Variants in NHEJ1 observed in about 807,000 individuals in gnomAD.
NHEJ1 encodes the protein non-homologous end joining factor 1.
NHEJ1 carries 22 observed loss-of-function variants against 39.4 expected under a neutral mutation model. The observed-to-expected ratio is 0.56, with a 90% CI of 0.40 to 0.80. The LOEUF is 0.80. Among genes scored for constraint, NHEJ1 ranks in the 30% least tolerant of loss-of-function variants. The probability of loss-of-function intolerance (pLI) is 0.00; values close to 1 mark genes in which losing one functional copy is unlikely to be tolerated. For synonymous variants in NHEJ1, 154 were observed against 135.6 expected, an observed-to-expected ratio of 1.14 and a Z score of -0.94; for missense variants, 329 against 357.1, an observed-to-expected ratio of 0.92 and a Z score of 0.63.
At chr2:219,097,406 G>C (rs547025430) in intron 5 of NHEJ1, among the ~76,000 whole-genome samples, 3 of 152,316 alleles carry the variant, frequency 2.0e-5, no homozygotes, top group Admixed American at 1.3e-4. Flanking sequence ...TCTCTTGATG[G>C]ATTGGATGTG....
At chr2:219,160,598 C>G (rs959919377) in intron 1 of NHEJ1, 122 bp downstream of exon 1, 2 of 152,148 alleles carry the variant, frequency 1.3e-5, no homozygotes, top group Non-Finnish European at 2.9e-5. Context: ...GAGGCCTGCC[C>G]TGGACCCCGG....
chr2:219,135,522 T>C (rs906183789), intron 5 of NHEJ1, among the ~76,000 whole-genome samples: 3 of 152,078 alleles, frequency 2.0e-5, no homozygotes, highest in Non-Finnish European at 4.4e-5. Flanking sequence ...GGCAGGAGAA[T>C]TGCTTGAACC....
chr2:219,136,286 CTTTT>C (rs36102678), intron 5 of NHEJ1, among the ~76,000 whole-genome samples: 12 of 125,832 alleles, frequency 9.5e-5, no homozygotes, highest in Admixed American at 1.6e-4. Flanking sequence ...CACTTGGTTT[CTTTT>C]TTTTTTTTTT....
At chr2:219,140,663 A>G (rs1949682081) in intron 5 of NHEJ1, among the ~76,000 whole-genome samples, 1 of 152,212 alleles carries the variant, frequency 6.6e-6, no homozygotes, top group Non-Finnish European at 1.5e-5. Context: ...GGGTTGTTGG[A>G]AAAGTAAATC....
chr2:219,080,853 T>C (rs1949060355), intron 5 of NHEJ1, among the ~76,000 whole-genome samples: 1 of 152,066 alleles, frequency 6.6e-6, no homozygotes, highest in African/African-American at 2.4e-5. Flanking sequence ...ATGAGCATGG[T>C]AGGCACTAGC....
At chr2:219,125,685 G>A (rs1297953513) in intron 5 of NHEJ1, 1 of 152,286 alleles carries the variant, frequency 6.6e-6, no homozygotes, top group Admixed American at 6.5e-5. Flanking sequence ...AGAGAACCCA[G>A]GCTATGCTCT....
At chr2:219,138,433 T>C (rs1949658075) in intron 5 of NHEJ1, among the ~76,000 whole-genome samples, 1 of 152,236 alleles carries the variant, frequency 6.6e-6, no homozygotes, top group African/African-American at 2.4e-5. Flanking sequence ...AGGCTGCCTA[T>C]GTCTAAGGCT....
chr2:219,152,806 T>TTTATTTATTTATTTAC (rs1949810426), intron 3 of NHEJ1, among the ~76,000 whole-genome samples: 1 of 147,918 alleles, frequency 6.8e-6, no homozygotes, highest in South Asian at 2.1e-4. Flanking sequence ...TATTTATTTA[T>TTTATTTATTTATTTAC]TTATTTATTT....
At chr2:219,082,096 C>T (rs573671891) in intron 5 of NHEJ1, among the ~76,000 whole-genome samples, 41 of 152,240 alleles carry the variant, frequency 2.7e-4, no homozygotes, top group Admixed American at 1.4e-3. Flanking sequence ...AGAGCTGCTT[C>T]CAGGCTTCCC....
At chr2:219,131,888 T>C (rs532071455) in intron 5 of NHEJ1, among the ~76,000 whole-genome samples, 6 of 152,248 alleles carry the variant, frequency 3.9e-5, no homozygotes, top group South Asian at 4.1e-4. Flanking sequence ...TCTTGCCTAC[T>C]GCCCAGAAAA....
intron 5 of NHEJ1, among the ~76,000 whole-genome samples, chr2:219,144,513 A>T (rs1270953797): frequency 6.6e-6 from 1 of 152,184 alleles, no homozygotes; most frequent in Non-Finnish European, 1.5e-5. Context: ...AAACAAGGTG[A>T]AGCTGACATC....
chr2:219,103,240 A>G (rs1287245787), intron 5 of NHEJ1, among the ~76,000 whole-genome samples: 1 of 150,108 alleles, frequency 6.7e-6, no homozygotes, highest in African/African-American at 2.4e-5. Context: ...CCAAGAGGAT[A>G]CTATTTTTAT....
intron 5 of NHEJ1, among the ~76,000 whole-genome samples, chr2:219,118,837 G>A (rs565948091): frequency 6.6e-5 from 10 of 152,318 alleles, no homozygotes; most frequent in African/African-American, 2.2e-4. Context: ...GGGCGTCAGA[G>A]ACAATGCTGG....
rs1190210718 is a variant in NHEJ1, at chr2:219,158,257, A to C, written c.106T>G (p.Leu36Val). ...ACCTGTTGAAGATCTGAAACCAACA[A>C]GGCATAGCCCTGCTTGGTGATAAAA... Reference protein sequence around the residue: ...KVFITKQGYALLVSDLQQVWH... With the variant: ...KVFITKQGYAVLVSDLQQVWH... The change falls in exon 2 of 8, where the codon TTG (leucine) becomes GTG (valine). Residue 36 changes from leucine to valine, a missense_variant. Coordinates refer to ENST00000356853, the MANE Select transcript of NHEJ1 (RefSeq NM_024782.3). 2 of 1,614,186 alleles carry C rather than the reference A, an allele frequency of 1.2e-6. No homozygotes were observed. The highest frequency in any genetic ancestry group is 2.2e-5 in the South Asian group (2 of 91,078).
intron 5 of NHEJ1, among the ~76,000 whole-genome samples, chr2:219,144,728 A>T (rs1325860221): frequency 6.6e-6 from 1 of 152,070 alleles, no homozygotes; most frequent in Non-Finnish European, 1.5e-5. Flanking sequence ...TCAGGAAGAG[A>T]CCTCTCTACT....
At position 219,108,917 on chromosome 2, in the gene NHEJ1, T is replaced by C. The variant is rs150414934; in HGVS notation, c.589-30711A>G. 2.9e-3 allele frequency among the ~76,000 whole-genome samples: 438 copies of C among 152,346 alleles called. 12 individuals carry two copies. The highest frequency in any genetic ancestry group is 0.026 in the Admixed American group (396 of 15,302). ...CTGTGCTACAGTGGGGAAACCACCA[T>C]GGGCCACATTCCCCTGTGTATTCTA... On this transcript the variant is annotated intron_variant, in intron 5 of 7. Coordinates refer to ENST00000356853, the MANE Select transcript of NHEJ1 (RefSeq NM_024782.3).
At chr2:219,088,657 T>G (rs1471146135) in intron 5 of NHEJ1, among the ~76,000 whole-genome samples, 1 of 152,224 alleles carries the variant, frequency 6.6e-6, no homozygotes. Context: ...TGGTAGATAT[T>G]GGTAGATAAC....
intron 5 of NHEJ1, among the ~76,000 whole-genome samples, chr2:219,117,205 C>G (rs1949424111): frequency 6.6e-6 from 1 of 152,200 alleles, no homozygotes; most frequent in South Asian, 2.1e-4. Context: ...GGCCCAGGCT[C>G]CTGCCACGGT....
chr2:219,136,922 T>C (rs549939981), intron 5 of NHEJ1, among the ~76,000 whole-genome samples: 4 of 152,080 alleles, frequency 2.6e-5, no homozygotes, highest in Admixed American at 1.3e-4. Flanking sequence ...TTTTCTATAT[T>C]GATTTCCTTT....
Sources: allele counts gnomAD v4.1 joint callset (sites outside exome capture counted in the v4.1 genomes callset), GRCh38; gene constraint gnomAD v4.1.1; transcripts MANE v1.5; gene names NCBI Gene and HGNC (gene_info 2026-07-23, HGNC 2026-07-21).